The following GANC variants were observed in gnomAD, a reference collection of about 807,000 sequenced individuals.
GANC encodes the protein neutral alpha-glucosidase C.
GANC carries 117 observed loss-of-function variants against 124.2 expected under a neutral mutation model. The observed-to-expected ratio is 0.94, with a 90% CI of 0.81 to 1.10. The LOEUF is 1.10. Among genes scored for constraint, GANC ranks in the 50% least tolerant of loss-of-function variants. GANC has a pLI of 0.00. For synonymous variants in GANC, 377 were observed against 376.8 expected (o/e 1.00, Z -0.01); for missense variants, 1,140 against 1,095.0 (o/e 1.04, Z -0.58).
intron 17 of GANC, 28 bp from the exon 18 acceptor site, chr15:42,340,662 A>G (rs2052322684): frequency 6.5e-7 from 1 of 1,541,376 alleles, no homozygotes; most frequent in Non-Finnish European, 8.8e-7. Flanking sequence ...CTATAATGTT[A>G]AAACAATAAT....
At position 42,273,209 on chromosome 15, in the gene GANC, AC is replaced by A. The variant is rs763811018; in HGVS notation, c.-1269del. Reference sequence around the variant, plus strand: ...GGACCCCTTGGGCCGCCGTAGCCCCACCCCTTGCTCCTCTAGGTTCAGACGT... The same window carrying A: ...GGACCCCTTGGGCCGCCGTAGCCCCACCCTTGCTCCTCTAGGTTCAGACGT... On this transcript the variant is annotated 5_prime_UTR_variant, in exon 1 of 24. Transcript: ENST00000318010. 2 of 1,608,586 alleles carry A rather than the reference AC, an allele frequency of 1.2e-6. No homozygotes were observed. Among genetic ancestry groups the A allele is most frequent in the African/African-American group, 1.3e-5 (1 of 74,788 alleles).
At chr15:42,348,793 A>G (rs1005927067) in intron 21 of GANC, among the ~76,000 whole-genome samples, 1 of 152,196 alleles carries the variant, frequency 6.6e-6, no homozygotes, top group Non-Finnish European at 1.5e-5. Flanking sequence ...ACTCACTTGC[A>G]TTGATATCAA....
chr15:42,317,799 T>C (rs2052121414), intron 10 of GANC, among the ~76,000 whole-genome samples: 1 of 152,188 alleles, frequency 6.6e-6, no homozygotes. Flanking sequence ...CAGGAATAAG[T>C]GCTATCAAAG....
chr15:42,352,950 G>A lies in GANC; in HGVS notation c.*811G>A. 1 of 554,804 alleles carries A rather than the reference G, an allele frequency of 1.8e-6. No individual in the cohort carries two copies. Among genetic ancestry groups the A allele is most frequent in the East Asian group, 1.4e-4 (1 of 6,904 alleles). The allele number at this position is 554,804 out of a possible 1,614,324, so 34.4% of individuals were successfully genotyped here. A position where few individuals can be genotyped will look rare whatever the true frequency, so the allele number is the denominator to read the frequency against. On this transcript the variant is annotated 3_prime_UTR_variant, in exon 24 of 24. Coordinates refer to ENST00000318010, the MANE Select transcript of GANC (RefSeq NM_198141.3). ...CTGGCCTTGGGCACAAAATGTAAGG[G>A]ATGCCAAAAAAATACAGTAATCAAA...
rs181589408 is a variant in GANC, at chr15:42,294,372, G to A, written c.512+1455G>A. 7.8e-3 allele frequency among the ~76,000 whole-genome samples: 1,183 copies of A among 150,962 alleles called. 60 individuals carry two copies. The highest frequency in any genetic ancestry group is 0.026 in the African/African-American group (1,069 of 40,542). On this transcript the variant is annotated intron_variant, in intron 5 of 23. Transcript: ENST00000318010. Reference sequence around the variant, plus strand: ...GTGGATCACCTGAGGTCAGGAGTTCGAGACCAGCCTGGCCAACATGGTGAA... The same window carrying A: ...GTGGATCACCTGAGGTCAGGAGTTCAAGACCAGCCTGGCCAACATGGTGAA...
At chr15:42,306,721 G>C in intron 7 of GANC, 109 bp downstream of exon 7, 1 of 657,590 alleles carries the variant, frequency 1.5e-6, no homozygotes, top group Non-Finnish European at 2.6e-6. Flanking sequence ...GACTTTAACA[G>C]AAGAACAGAA....
chr15:42,322,089 G>A (rs371856565), intron 11 of GANC, 69 bp downstream of exon 11: 2 of 1,271,386 alleles, frequency 1.6e-6, no homozygotes. Flanking sequence ...ACTTGCCTTG[G>A]CACATCAGTG....
chr15:42,317,823 A>G (rs1346865658), intron 10 of GANC, among the ~76,000 whole-genome samples: 1 of 152,036 alleles, frequency 6.6e-6, no homozygotes, highest in African/African-American at 2.4e-5. Context: ...ACCTGCAGCT[A>G]CATTCAACAT....
chr15:42,330,120 T>G (rs1357227912), intron 14 of GANC, among the ~76,000 whole-genome samples: 1 of 152,206 alleles, frequency 6.6e-6, no homozygotes, highest in African/African-American at 2.4e-5. Flanking sequence ...AAGCATAGTT[T>G]TCAGATTGTG....
chr15:42,311,447 G>T (rs1465277715), intron 10 of GANC, among the ~76,000 whole-genome samples: 1 of 151,970 alleles, frequency 6.6e-6, no homozygotes, highest in Non-Finnish European at 1.5e-5. Flanking sequence ...AAAGTTGCAG[G>T]GTACAAGATC....
rs1291737703 is a variant in GANC at position 42,346,470 on chromosome 15, A to G, written c.2304+638A>G. Among the ~76,000 whole-genome samples, 3 of 152,270 alleles carry G rather than the reference A, an allele frequency of 2.0e-5. No individual in the cohort carries two copies. The East Asian group carries it at 5.8e-4, about 29-fold the overall frequency. On this transcript the variant is annotated intron_variant, in intron 20 of 23. Transcript: ENST00000318010. ...GTTGCATGACTCTGAATATGCTGAA[A>G]ACTGTTTAATTGTATACTTTAAATT...
intron 3 of GANC, among the ~76,000 whole-genome samples, chr15:42,284,870 A>G (rs1256667831): frequency 6.6e-6 from 1 of 152,170 alleles, no homozygotes; most frequent in Non-Finnish European, 1.5e-5. Flanking sequence ...TATCCATTTA[A>G]AATTATTAGA....
chr15:42,322,686 G>A (rs968579194), intron 11 of GANC, among the ~76,000 whole-genome samples: 1 of 152,144 alleles, frequency 6.6e-6, no homozygotes, highest in African/African-American at 2.4e-5. Flanking sequence ...TTATTACACT[G>A]TTTTTCCTGC....
chr15:42,280,890 G>C (rs1420629752), intron 3 of GANC: 2 of 692,554 alleles, frequency 2.9e-6, no homozygotes, highest in African/African-American at 3.5e-5. Flanking sequence ...TTTGGATCCT[G>C]AAAAAGTGAG....
intron 10 of GANC, among the ~76,000 whole-genome samples, chr15:42,318,891 G>A (rs182582415): frequency 2.6e-5 from 4 of 152,234 alleles, no homozygotes; most frequent in Admixed American, 2.0e-4. Flanking sequence ...ACCATGCCTG[G>A]CCCTAGGTCT....
chr15:42,312,255 A>G (rs1314471765), intron 10 of GANC, among the ~76,000 whole-genome samples: 1 of 152,226 alleles, frequency 6.6e-6, no homozygotes, highest in East Asian at 1.9e-4. Context: ...TATACTTCTT[A>G]TATGATTTGG....
chr15:42,286,683 C>T (rs527530502), intron 3 of GANC, among the ~76,000 whole-genome samples: 1 of 152,166 alleles, frequency 6.6e-6, no homozygotes, highest in Non-Finnish European at 1.5e-5. Flanking sequence ...TGATTGCTTC[C>T]CTGTTTTCGC....
intron 4 of GANC, among the ~76,000 whole-genome samples, chr15:42,288,519 A>AG (rs910252363): frequency 6.6e-6 from 1 of 152,196 alleles, no homozygotes; most frequent in African/African-American, 2.4e-5. Flanking sequence ...TTACTATATC[A>AG]TTACTGTAGT....
intron 6 of GANC, among the ~76,000 whole-genome samples, chr15:42,302,850 C>G (rs1009837989): frequency 1.3e-5 from 2 of 152,012 alleles, no homozygotes; most frequent in African/African-American, 4.8e-5. Context: ...ATATATGGGA[C>G]TATGTGAAAA....
Sources: allele counts gnomAD v4.1 joint callset (sites outside exome capture counted in the v4.1 genomes callset), GRCh38; gene constraint gnomAD v4.1.1; transcripts MANE v1.5; gene names NCBI Gene and HGNC (gene_info 2026-07-23, HGNC 2026-07-21).